Variants in SLC12A5 observed in about 807,000 individuals in gnomAD.
The protein encoded by SLC12A5 is solute carrier family 12 member 5.
A neutral mutation model predicts 124.0 loss-of-function variants in SLC12A5; 18 were observed. The observed-to-expected ratio is 0.15, with a 90% CI of 0.10 to 0.22. The LOEUF (loss-of-function observed/expected upper bound fraction) is 0.22, where lower values mean the gene tolerates loss of function less well. SLC12A5 is among the 10% of genes least tolerant of loss of function. SLC12A5 has a pLI of 1.00. For synonymous variants in SLC12A5, 589 were observed against 568.0 expected, an observed-to-expected ratio of 1.04 and a Z score of -0.53; for missense variants, 867 against 1,478.7, an observed-to-expected ratio of 0.59 and a Z score of 6.78.
intron 8 of SLC12A5, 83 bp downstream of exon 8, chr20:46,041,623 G>A: frequency 7.0e-7 from 1 of 1,422,090 alleles, no homozygotes; most frequent in South Asian, 1.2e-5. Flanking sequence ...GGCCCTCCTT[G>A]GGATTCAGCT....
chr20:46,058,929 G>A lies in SLC12A5; in HGVS notation c.*1324G>A. ...TCTAGCTCCGTCTCCCGGGGACCTGGGCCTGAGGGAGGGCTGGAGTCGCAC... is the reference window on the plus strand; with the variant it reads ...TCTAGCTCCGTCTCCCGGGGACCTGAGCCTGAGGGAGGGCTGGAGTCGCAC... On this transcript the variant is annotated 3_prime_UTR_variant, in exon 26 of 26. Transcript: ENST00000243964. This position sits in a 1 kb window ranked among gnomAD's most constrained non-coding sequence, Gnocchi z 5.8. 2.5e-6 allele frequency: 1 copy of A among 394,500 alleles called. No individual in the cohort carries two copies. Among genetic ancestry groups the A allele is most frequent in the Non-Finnish European group, 4.5e-6 (1 of 224,040 alleles). The allele number at this position is 394,500 out of a possible 1,614,324, so 24.4% of individuals were successfully genotyped here. A position where few individuals can be genotyped will look rare whatever the true frequency, so the allele number is the denominator to read the frequency against.
chr20:46,052,370 C>T (rs1212229810), intron 18 of SLC12A5, among the ~76,000 whole-genome samples: 2 of 152,250 alleles, frequency 1.3e-5, no homozygotes, highest in Non-Finnish European at 2.9e-5. Context: ...TTATCTCCAT[C>T]TTTTTTGATG....
rs187286328 is a variant in SLC12A5, at chr20:46,047,917, T to G, written c.1908-64T>G. 3.1e-4 allele frequency: 444 copies of G among 1,449,456 alleles called. 4 individuals are homozygous for G. In the African/African-American group the frequency reaches 5.5e-3, roughly 18 times the overall value. 89.8% of individuals were successfully genotyped at this position (1,449,456 alleles called of 1,614,324 possible). On this transcript the variant is annotated intron_variant, in intron 15 of 25. Coordinates refer to ENST00000243964, the MANE Select transcript of SLC12A5 (RefSeq NM_020708.5). ...CTGCCCTGGGGTAGCTGGTGCAGTG[T>G]AGATGGTTCTCCCTGCCCCCTCCTG...
At position 46,029,735 on chromosome 20, in the gene SLC12A5, T is replaced by C. The variant is rs577682903; in HGVS notation, c.52+339T>C. ...TGGAGCTCGACGGCGGGAGGAGGGCTCCTTTCCCCGACAGGGGACCCCGGC... is the reference window on the plus strand; with the variant it reads ...TGGAGCTCGACGGCGGGAGGAGGGCCCCTTTCCCCGACAGGGGACCCCGGC... On this transcript the variant is annotated intron_variant, in intron 1 of 25. Transcript: ENST00000243964. Among the ~76,000 whole-genome samples, 8 of 152,086 alleles carry C rather than the reference T, an allele frequency of 5.3e-5. No individual in the cohort carries two copies. The South Asian group carries it at 1.7e-3, about 32-fold the overall frequency.
intron 16 of SLC12A5, 23 bp from the exon 17 acceptor site, chr20:46,049,599 A>G: frequency 5.0e-6 from 8 of 1,587,552 alleles, no homozygotes; most frequent in South Asian, 1.1e-5. Context: ...TATATGGATT[A>G]TGTGACTCTG....
rs776082212 is a variant in SLC12A5, at chr20:46,048,132, T to G, written c.2012+47T>G. 10 of 1,521,760 alleles carry G rather than the reference T, an allele frequency of 6.6e-6. No homozygotes were observed. In the South Asian group the frequency reaches 7.2e-5, roughly 11 times the overall value. 94.3% of individuals were successfully genotyped at this position (1,521,760 alleles called of 1,614,324 possible). On this transcript the variant is annotated intron_variant, in intron 16 of 25. Coordinates refer to ENST00000243964, the MANE Select transcript of SLC12A5 (RefSeq NM_020708.5). ...GTGCATAAGAGTGTGTGTGCATGAG[T>G]GCAAGGCTCAGGAGACAGGGGGAAG...
At chr20:46,044,541 A>G (rs1452692205) in intron 11 of SLC12A5, among the ~76,000 whole-genome samples, 1 of 151,946 alleles carries the variant, frequency 6.6e-6, no homozygotes, top group African/African-American at 2.4e-5. Flanking sequence ...ATTCCAGGCA[A>G]TGGGGAGCCA....
chr20:46,053,779 G>A lies in SLC12A5; in HGVS notation c.2679+70G>A. On this transcript the variant is annotated intron_variant, in intron 20 of 25. Coordinates refer to ENST00000243964, the MANE Select transcript of SLC12A5 (RefSeq NM_020708.5). The surrounding 1 kb of genome is among the most constrained non-coding windows in gnomAD (Gnocchi z 4.7). ...TCCTCTTGGCCCCAGCACCAAGTAG[G>A]GCAACTCTAACACCCATCAGCTTAT... 1.4e-6 allele frequency: 2 copies of A among 1,479,860 alleles called. No individual in the cohort carries two copies. Among genetic ancestry groups the A allele is most frequent in the East Asian group, 2.4e-5 (1 of 42,114 alleles). The allele number at this position is 1,479,860 out of a possible 1,614,324, so 91.7% of individuals were successfully genotyped here. A position where few individuals can be genotyped will look rare whatever the true frequency, so the allele number is the denominator to read the frequency against.
In SLC12A5 at chr20:46,056,521, C is replaced by G. The variant is rs146580614; in HGVS notation, c.3067C>G (p.Pro1023Ala). 27 of 1,614,036 alleles carry G rather than the reference C, an allele frequency of 1.7e-5. No homozygotes were observed. The highest frequency in any genetic ancestry group is 1.7e-6 in the Non-Finnish European group (2 of 1,180,004). ...SVAEKNKGPS[P>A]VSSEGIKDFF... ...GGCAGAGAAGAATAAGGGCCCCAGT[C>G]CTGTCTCCTCTGAGGGCATCAAGGA... The change falls in exon 23 of 26, where the codon CCT becomes GCT. Residue 1023 changes from proline (P) to alanine (A), a missense_variant. Transcript: ENST00000243964. This position sits in a 1 kb window ranked among gnomAD's most constrained non-coding sequence, Gnocchi z 4.3.
intron 1 of SLC12A5, among the ~76,000 whole-genome samples, chr20:46,022,375 G>A (rs2084363144): frequency 6.8e-6 from 1 of 147,252 alleles, no homozygotes; most frequent in Non-Finnish European, 1.5e-5. Context: ...GGGACTAGTA[G>A]GGAATGAGTT....
intron 6 of SLC12A5, among the ~76,000 whole-genome samples, chr20:46,037,843 G>T (rs2084512007): frequency 6.6e-6 from 1 of 152,184 alleles, no homozygotes; most frequent in Non-Finnish European, 1.5e-5. Flanking sequence ...CTCCCAAGGG[G>T]CATGGACTGT....
At position 46,047,607 on chromosome 20, in the gene SLC12A5, G is replaced by A. The variant is rs565484547; in HGVS notation, c.1907+34G>A. The A allele has an allele frequency of 4.4e-6, 7 of 1,605,734 alleles. No homozygotes were observed. The African/African-American group carries it at 9.3e-5, about 21-fold the overall frequency. On this transcript the variant is annotated intron_variant, in intron 15 of 25. Coordinates refer to ENST00000243964, the MANE Select transcript of SLC12A5 (RefSeq NM_020708.5). ...GGGGAGTGGAGGTTGGGGTGGCTGG[G>A]GAAGGCTGAAGGGTGGTGGGAAGGA...
rs2145511377 is a variant in SLC12A5 at position 46,058,703 on chromosome 20, G to C, written c.*1098G>C. 2.5e-6 allele frequency: 1 copy of C among 399,044 alleles called. No homozygotes were observed. Among genetic ancestry groups the C allele is most frequent in the East Asian group, 3.6e-5 (1 of 28,052 alleles). 24.7% of individuals were successfully genotyped at this position (399,044 alleles called of 1,614,324 possible). On this transcript the variant is annotated 3_prime_UTR_variant, in exon 26 of 26. Transcript: ENST00000243964. This position sits in a 1 kb window ranked among gnomAD's most constrained non-coding sequence, Gnocchi z 5.8. Reference sequence around the variant, plus strand: ...GACTGAAATTGTGGAGCTGGAGGGCGCCCCCTCCCCGGAGTTTCCTCCCTG... The same window carrying C: ...GACTGAAATTGTGGAGCTGGAGGGCCCCCCCTCCCCGGAGTTTCCTCCCTG...
At position 46,052,948 on chromosome 20, in the gene SLC12A5, C is replaced by T; in HGVS notation, c.2378-9C>T. ...TTCCCCCTCTGGCCCTCTCCTTGGCCTCCCTCAGAGCTGGTCCGGGAAACC... is the reference window on the plus strand; with the variant it reads ...TTCCCCCTCTGGCCCTCTCCTTGGCTTCCCTCAGAGCTGGTCCGGGAAACC... On this transcript the variant is annotated splice_polypyrimidine_tract_variant and intron_variant, in intron 18 of 25. Coordinates refer to ENST00000243964, the MANE Select transcript of SLC12A5 (RefSeq NM_020708.5). 6.2e-7 allele frequency: 1 copy of T among 1,601,674 alleles called. No homozygotes were observed.
At position 46,056,071 on chromosome 20, in the gene SLC12A5, T is replaced by A; in HGVS notation, c.2788-79T>A. 3.2e-6 allele frequency: 5 copies of A among 1,576,434 alleles called. No individual in the cohort carries two copies. The highest frequency in any genetic ancestry group is 3.4e-6 in the Non-Finnish European group (4 of 1,159,918). ...CCAGAAAGTGCATCCTGGCTGAACA[T>A]CATCTCTGGTGATAGCTCTTTGCAG... On this transcript the variant is annotated intron_variant, in intron 21 of 25. Coordinates refer to ENST00000243964, the MANE Select transcript of SLC12A5 (RefSeq NM_020708.5). This position sits in a 1 kb window ranked among gnomAD's most constrained non-coding sequence, Gnocchi z 4.3.
In SLC12A5 at chr20:46,054,925, G is replaced by A. The variant is rs2084676778; in HGVS notation, c.2689G>A (p.Asp897Asn). 5 of 1,613,136 alleles carry A rather than the reference G, an allele frequency of 3.1e-6. No homozygotes were observed. Among genetic ancestry groups the A allele is most frequent in the Non-Finnish European group, 4.2e-6 (5 of 1,179,532 alleles). Residue 897 changes from aspartate to asparagine, a missense_variant, in exon 21 of 26, where the codon GAC (aspartate) becomes AAC (asparagine). Asp to Asn is a conservative substitution (Grantham distance 23, BLOSUM62 1). This residue lies in a region of SLC12A5 where 70 missense variants were observed against 157.2 expected (regional missense o/e 0.45). Coordinates refer to ENST00000243964, the MANE Select transcript of SLC12A5 (RefSeq NM_020708.5). ...CTCTGTCTGCCCACAGCATGAGAGC[G>A]ACATCTCAGCTTACACCTATGAGAA... ...EVEVVEMHESDISAYTYEKTL... is the reference protein window; with the variant it reads ...EVEVVEMHESNISAYTYEKTL...
At chr20:46,040,841 T>C (rs2084539551) in intron 7 of SLC12A5, 1 of 623,544 alleles carries the variant, frequency 1.6e-6, no homozygotes, top group Non-Finnish European at 2.7e-6. Flanking sequence ...AGTCAACTTC[T>C]TGCTGGTAGG....
At chr20:46,031,351 C>G (rs943267814) in intron 1 of SLC12A5, among the ~76,000 whole-genome samples, 5 of 152,168 alleles carry the variant, frequency 3.3e-5, no homozygotes, top group Admixed American at 2.6e-4. Context: ...TGGCCAGAAC[C>G]TGGGTCATGT....
Position 46,057,055 on chromosome 20 carries a change from C to T in SLC12A5, c.3126-115C>T. 1 of 1,585,774 alleles carries T rather than the reference C, an allele frequency of 6.3e-7. No homozygotes were observed. The highest frequency in any genetic ancestry group is 2.2e-5 in the East Asian group (1 of 44,652). On this transcript the variant is annotated intron_variant, in intron 24 of 25. Transcript: ENST00000243964. This position sits in a 1 kb window ranked among gnomAD's most constrained non-coding sequence, Gnocchi z 7.1. ...CCTGGAGATGTTTAGGATTGGTGGT[C>T]CTAGGCTTGCAAGAACCAGTCCCCA...
Sources: gnomAD v4.1 joint callset for allele counts (sites outside exome capture counted in the v4.1 genomes callset) on GRCh38, gnomAD v4.1.1 for gene constraint, gnomAD v4.1.1 regional missense constraint, Gnocchi (gnomAD v3.1) non-coding constraint, MANE v1.5 for transcripts, NCBI Gene and HGNC (gene_info 2026-07-23, HGNC 2026-07-21) for gene names.